PPP4R4: variants seen among roughly 807,000 people sequenced by gnomAD.
PPP4R4 encodes the protein protein phosphatase 4 regulatory subunit 4.
PPP4R4 carries 70 observed loss-of-function variants against 121.8 expected under a neutral mutation model. The observed-to-expected ratio is 0.57, with a 90% CI of 0.47 to 0.70. The LOEUF is 0.70. Among genes scored for constraint, PPP4R4 ranks in the 30% least tolerant of loss-of-function variants. The pLI is 0.00. For missense variants in PPP4R4, 875 were observed against 1,033.6 expected, an observed-to-expected ratio of 0.85 and a Z score of 2.10; for synonymous variants, 348 against 355.7, an observed-to-expected ratio of 0.98 and a Z score of 0.24.
At chr14:94,210,387 CTG>C (rs1442804504) in intron 3 of PPP4R4, among the ~76,000 whole-genome samples, 2 of 151,090 alleles carry the variant, frequency 1.3e-5, no homozygotes, top group East Asian at 3.9e-4. Flanking sequence ...TCTTTTGAAA[CTG>C]TAAGGTATGC....
intron 14 of PPP4R4, 66 bp downstream of exon 14, chr14:94,246,605 T>C (rs1254247016): frequency 2.8e-6 from 4 of 1,447,262 alleles, no homozygotes; most frequent in Admixed American, 2.2e-5. Flanking sequence ...ACCAAAACTC[T>C]TCATATTTTC....
At chr14:94,186,737 C>T (rs1889307053) in intron 2 of PPP4R4, among the ~76,000 whole-genome samples, 1 of 152,086 alleles carries the variant, frequency 6.6e-6, no homozygotes, top group Admixed American at 6.6e-5. Context: ...TTGAGTTGCT[C>T]CTTATACTCT....
At chr14:94,184,059 G>A (rs765768227) in intron 2 of PPP4R4, among the ~76,000 whole-genome samples, 2 of 152,034 alleles carry the variant, frequency 1.3e-5, no homozygotes, top group African/African-American at 2.4e-5. Flanking sequence ...TCATCCCAAC[G>A]CTCCCTCTTG....
intron 2 of PPP4R4, among the ~76,000 whole-genome samples, chr14:94,196,464 C>T (rs1889881274): frequency 6.6e-6 from 1 of 151,784 alleles, no homozygotes; most frequent in Non-Finnish European, 1.5e-5. Flanking sequence ...CAGATGTTTG[C>T]CACCACACCC....
intron 15 of PPP4R4, among the ~76,000 whole-genome samples, chr14:94,251,088 G>A (rs748329033): frequency 6.6e-5 from 10 of 151,816 alleles, no homozygotes; most frequent in Admixed American, 1.3e-4. Flanking sequence ...TTTTTCAGTG[G>A]CAAGAGCTCA....
At chr14:94,238,310 C>T (rs1160157402) in intron 8 of PPP4R4, among the ~76,000 whole-genome samples, 1 of 152,240 alleles carries the variant, frequency 6.6e-6, no homozygotes, top group Non-Finnish European at 1.5e-5. Flanking sequence ...ATATTAAAAC[C>T]AGTACCCTAT....
In PPP4R4 at chr14:94,265,712, A is replaced by T. The variant is rs900545740; in HGVS notation, c.2285-82A>T. 6 of 1,041,042 alleles carry T rather than the reference A, an allele frequency of 5.8e-6. No homozygotes were observed. In the Admixed American group the frequency reaches 6.7e-5, roughly 12 times the overall value. 64.5% of individuals were successfully genotyped at this position (1,041,042 alleles called of 1,614,324 possible). On this transcript the variant is annotated intron_variant, in intron 21 of 24. Transcript: ENST00000304338. The stretch of plus-strand genomic sequence containing the variant: ...AGCCATCTGTGTTTTACTGAAAATG[A>T]TGGTAGTTGGGGAGGGAATGGGGGT...
chr14:94,181,934 C>T (rs1217024675), intron 2 of PPP4R4, among the ~76,000 whole-genome samples: 2 of 152,284 alleles, frequency 1.3e-5, no homozygotes, highest in South Asian at 4.1e-4. Context: ...AATTACAACT[C>T]AATTAGTGAG....
intron 19 of PPP4R4, among the ~76,000 whole-genome samples, chr14:94,262,378 C>G (rs1487432396): frequency 2.0e-5 from 3 of 152,054 alleles, no homozygotes; most frequent in Admixed American, 1.3e-4. Flanking sequence ...TGGCATTAAT[C>G]TATGATGATA....
chr14:94,271,931 A>G (rs1002452050), intron 23 of PPP4R4, among the ~76,000 whole-genome samples: 2 of 152,204 alleles, frequency 1.3e-5, no homozygotes, highest in African/African-American at 4.8e-5. Context: ...ACTCAGAAAA[A>G]TGAAATACTC....
At position 94,257,642 on chromosome 14, in the gene PPP4R4, TAC is replaced by T. The variant is rs57997995; in HGVS notation, c.2010+1071_2010+1072del. Among the ~76,000 whole-genome samples, 1,383 of 146,962 alleles carry T rather than the reference TAC, an allele frequency of 9.4e-3. 12 individuals carry two copies. Among genetic ancestry groups the T allele is most frequent in the African/African-American group, 0.017 (671 of 40,024 alleles). On this transcript the variant is annotated intron_variant, in intron 17 of 24. Coordinates refer to ENST00000304338, the MANE Select transcript of PPP4R4 (RefSeq NM_058237.2). Reference sequence around the variant, plus strand: ...GTAGAGTTGCACATGCATTTAAATCTACACACACACACACACACACACACACA... The same window carrying T: ...GTAGAGTTGCACATGCATTTAAATCTACACACACACACACACACACACACA...
chr14:94,256,782 G>A (rs965070281), intron 17 of PPP4R4, among the ~76,000 whole-genome samples, 178 bp downstream of exon 17: 1 of 152,066 alleles, frequency 6.6e-6, no homozygotes, highest in Non-Finnish European at 1.5e-5. Flanking sequence ...TGAAACTTTC[G>A]AAGGGCACCT....
At chr14:94,206,852 A>G (rs1890485778) in intron 2 of PPP4R4, among the ~76,000 whole-genome samples, 2 of 152,064 alleles carry the variant, frequency 1.3e-5, no homozygotes, top group African/African-American at 4.8e-5. Flanking sequence ...CTTAAAAATA[A>G]TAGAAATTTA....
chr14:94,188,414 G>T (rs545586430), intron 2 of PPP4R4, among the ~76,000 whole-genome samples: 15 of 151,896 alleles, frequency 9.9e-5, no homozygotes, highest in African/African-American at 3.6e-4. Context: ...GTCTTATTTT[G>T]ATTGTATTTT....
intron 14 of PPP4R4, among the ~76,000 whole-genome samples, chr14:94,249,285 T>C (rs1893057662): frequency 6.6e-6 from 1 of 151,982 alleles, no homozygotes; most frequent in South Asian, 2.1e-4. Context: ...TCATAGGAAA[T>C]ACCCTCTTTT....
At chr14:94,235,388 C>CTTTTTTTTTTTTTTTTTTTTTTT (rs34881107) in intron 7 of PPP4R4, among the ~76,000 whole-genome samples, 1 of 50,806 alleles carries the variant, frequency 2.0e-5, no homozygotes, top group African/African-American at 9.2e-5. Context: ...TCTCCTTGTT[C>CTTTTTTTTTTTTTTTTTTTTTTT]TTTTTTTTTT....
At chr14:94,241,267 G>A (rs1453048264) in intron 9 of PPP4R4, among the ~76,000 whole-genome samples, 2 of 151,982 alleles carry the variant, frequency 1.3e-5, no homozygotes, top group East Asian at 1.9e-4. Context: ...TAATGAACTC[G>A]TAACAATATA....
chr14:94,266,420 T>A (rs181847923), intron 22 of PPP4R4, among the ~76,000 whole-genome samples: 170 of 152,288 alleles, frequency 1.1e-3, no homozygotes, highest in African/African-American at 4.0e-3. Context: ...TTACCATGAT[T>A]TTTTATATGT....
At chr14:94,187,119 C>T (rs551962764) in intron 2 of PPP4R4, among the ~76,000 whole-genome samples, 1 of 152,236 alleles carries the variant, frequency 6.6e-6, no homozygotes, top group East Asian at 1.9e-4. Flanking sequence ...TGAGACCAGC[C>T]TGGCCAACAT....
Sources: allele counts gnomAD v4.1 joint callset (sites outside exome capture counted in the v4.1 genomes callset), GRCh38; gene constraint gnomAD v4.1.1; transcripts MANE v1.5; gene names NCBI Gene and HGNC (gene_info 2026-07-23, HGNC 2026-07-21).